USP12: variants seen among roughly 807,000 people sequenced by gnomAD.
USP12 encodes the protein ubiquitin carboxyl-terminal hydrolase 12.
Under a neutral mutation model 45.5 loss-of-function variants are expected in USP12, and 19 were observed. The observed-to-expected ratio is 0.42, with a 90% confidence interval of 0.29 to 0.61. The LOEUF is 0.61. Among genes scored for constraint, USP12 ranks in the 20% least tolerant of loss-of-function variants. The pLI is 0.22. For missense variants in USP12, 242 were observed against 447.7 expected (o/e 0.54, Z 4.15); for synonymous variants, 149 against 148.8 (o/e 1.00, Z -0.01).
intron 6 of USP12, chr13:27,077,413 T>C (rs1480935800): frequency 6.6e-6 from 1 of 152,016 alleles, no homozygotes; most frequent in Non-Finnish European, 1.5e-5. Context: ...CATGGCCCGA[T>C]GGTTAGGGAA....
chr13:27,078,993 T>TA (rs370076279), intron 6 of USP12, among the ~76,000 whole-genome samples: 8,093 of 143,494 alleles, frequency 0.056, 233 homozygotes, highest in Admixed American at 0.086. Flanking sequence ...TGTCCTCTGA[T>TA]AAAAAAAAAA....
rs763726818 is a variant in USP12, at chr13:27,116,501, T to G, written c.129+15A>C. ...TTCCGAACATGATTCTAAAAGCGTA[T>G]CAATGGATACTTACATTGACTAATC... On this transcript the variant is annotated intron_variant, in intron 2 of 8. Transcript: ENST00000282344. 6.2e-7 allele frequency: 1 copy of G among 1,611,804 alleles called. No individual in the cohort carries two copies. Among genetic ancestry groups the G allele is most frequent in the Non-Finnish European group, 8.5e-7 (1 of 1,178,836 alleles).
chr13:27,171,329 G>A (rs1327766381), intron 1 of USP12, among the ~76,000 whole-genome samples: 2 of 148,966 alleles, frequency 1.3e-5, no homozygotes, highest in African/African-American at 2.4e-5. Flanking sequence ...GCCGCGTCTG[G>A]CACGGTCGCC....
At position 27,171,579 on chromosome 13, in the gene USP12, C is replaced by T. The variant is rs764744633; in HGVS notation, c.48+13G>A. 3 of 1,254,880 alleles carry T rather than the reference C, an allele frequency of 2.4e-6. No individual in the cohort carries two copies. The highest frequency in any genetic ancestry group is 6.3e-5 in the East Asian group (1 of 15,876). The allele number at this position is 1,254,880 out of a possible 1,614,324, so 77.7% of individuals were successfully genotyped here. On this transcript the variant is annotated intron_variant, in intron 1 of 8. Coordinates refer to ENST00000282344, the MANE Select transcript of USP12 (RefSeq NM_182488.4). ...GTCCCGGCAGCCCCGGCCGCCCGCTCGCCGCCACCTACCATGGTACAGATG... is the reference window on the plus strand; with the variant it reads ...GTCCCGGCAGCCCCGGCCGCCCGCTTGCCGCCACCTACCATGGTACAGATG...
chr13:27,103,607 A>AAAAAAAAAAAAATAAT (rs372985958), intron 3 of USP12, among the ~76,000 whole-genome samples: 1 of 128,520 alleles, frequency 7.8e-6, no homozygotes, highest in African/African-American at 2.9e-5. Flanking sequence ...TCAAAAAAAA[A>AAAAAAAAAAAAATAAT]AATAATAATA....
intron 3 of USP12, among the ~76,000 whole-genome samples, chr13:27,104,039 C>T (rs1422723676): frequency 6.6e-6 from 1 of 151,982 alleles, no homozygotes; most frequent in African/African-American, 2.4e-5. Context: ...TACTTCTGAA[C>T]TCTTTTTTTT....
At chr13:27,115,987 G>C (rs1207103319) in intron 2 of USP12, among the ~76,000 whole-genome samples, 9 of 152,168 alleles carry the variant, frequency 5.9e-5, no homozygotes, top group Admixed American at 5.9e-4. Context: ...AGATTGACAA[G>C]TTAGAAACTA....
In USP12 at chr13:27,129,541, T is replaced by C. The variant is rs144733021; in HGVS notation, c.49-12945A>G. On this transcript the variant is annotated intron_variant, in intron 1 of 8. Coordinates refer to ENST00000282344, the MANE Select transcript of USP12 (RefSeq NM_182488.4). This position sits in a 1 kb window ranked among gnomAD's most constrained non-coding sequence, Gnocchi z 4.0. ...GAGTTCTAGAGAAGGCTGGGCAACA[T>C]AGCAAGACTCTGTCTCTACAGAGGA... Among the ~76,000 whole-genome samples the C allele has an allele frequency of 8.9e-4, 136 of 152,148 alleles. No individual in the cohort carries two copies. The highest frequency in any genetic ancestry group is 3.1e-3 in the African/African-American group (129 of 41,504).
chr13:27,120,887 T>C (rs913704221), intron 1 of USP12, among the ~76,000 whole-genome samples: 12 of 152,046 alleles, frequency 7.9e-5, no homozygotes, highest in Non-Finnish European at 1.5e-5. Context: ...GAGCTAGTGA[T>C]AAAATAATCT....
At chr13:27,135,163 T>C (rs1876745027) in intron 1 of USP12, among the ~76,000 whole-genome samples, 1 of 151,984 alleles carries the variant, frequency 6.6e-6, no homozygotes. Context: ...GGAGTGCGTC[T>C]GTAGTCCCAG....
intron 1 of USP12, among the ~76,000 whole-genome samples, chr13:27,132,361 G>T (rs1377638870): frequency 3.3e-5 from 5 of 151,918 alleles, no homozygotes; most frequent in Admixed American, 3.3e-4. Context: ...AGTTACACAT[G>T]TTAAAAAATG....
rs79673607 is a variant in USP12 at position 27,159,520 on chromosome 13, T to C, written c.48+12072A>G. Reference sequence around the variant, plus strand: ...TATTCAATCCAGCCTTCTCTATCAATATCCAGTAACATTTGCAGAGGGCCT... The same window carrying C: ...TATTCAATCCAGCCTTCTCTATCAACATCCAGTAACATTTGCAGAGGGCCT... On this transcript the variant is annotated intron_variant, in intron 1 of 8. Transcript: ENST00000282344. Among the ~76,000 whole-genome samples, 1,255 of 152,346 alleles carry C rather than the reference T, an allele frequency of 8.2e-3. 20 individuals are homozygous for C. The highest frequency in any genetic ancestry group is 0.029 in the African/African-American group (1,199 of 41,580).
chr13:27,097,188 C>A (rs1874625435), intron 3 of USP12, among the ~76,000 whole-genome samples: 1 of 150,924 alleles, frequency 6.6e-6, no homozygotes, highest in African/African-American at 2.4e-5. Context: ...AAAAGCAGGC[C>A]AAGCGCAGTG....
chr13:27,088,024 T>C (rs1245621162), intron 6 of USP12, among the ~76,000 whole-genome samples: 2 of 152,244 alleles, frequency 1.3e-5, no homozygotes, highest in African/African-American at 4.8e-5. Flanking sequence ...TGAAGAACTC[T>C]GTAAAACATC....
At chr13:27,143,191 A>C (rs1045044466) in intron 1 of USP12, among the ~76,000 whole-genome samples, 4 of 152,232 alleles carry the variant, frequency 2.6e-5, no homozygotes, top group Non-Finnish European at 4.4e-5. Flanking sequence ...ACATCATCAA[A>C]AAGAATGATT....
chr13:27,161,326 G>T (rs1878098854), intron 1 of USP12, among the ~76,000 whole-genome samples: 2 of 152,128 alleles, frequency 1.3e-5, no homozygotes, highest in Admixed American at 6.5e-5. Flanking sequence ...TTCATCTACA[G>T]AATCTCAAAT....
intron 4 of USP12, among the ~76,000 whole-genome samples, chr13:27,093,124 AG>A (rs1183942394): frequency 2.0e-5 from 3 of 151,150 alleles, no homozygotes; most frequent in African/African-American, 7.3e-5. Flanking sequence ...TGAACCCAGG[AG>A]GCAGAGGTTG....
At chr13:27,081,679 A>C (rs1407322031) in intron 6 of USP12, among the ~76,000 whole-genome samples, 1 of 152,236 alleles carries the variant, frequency 6.6e-6, no homozygotes, top group Admixed American at 6.5e-5. Flanking sequence ...GAGGAATCTC[A>C]ATCTATGGCA....
chr13:27,080,089 C>A (rs1193149327), intron 6 of USP12, among the ~76,000 whole-genome samples: 3 of 152,136 alleles, frequency 2.0e-5, no homozygotes, highest in African/African-American at 7.2e-5. Context: ...TCATGACATA[C>A]CCCAACATGT....
Sources: gnomAD v4.1 joint callset for allele counts (sites outside exome capture counted in the v4.1 genomes callset) on GRCh38, gnomAD v4.1.1 for gene constraint, Gnocchi (gnomAD v3.1) non-coding constraint, MANE v1.5 for transcripts, NCBI Gene and HGNC (gene_info 2026-07-23, HGNC 2026-07-21) for gene names.